ABLIM3: variants seen among roughly 807,000 people sequenced by gnomAD.
The protein encoded by ABLIM3 is actin-binding LIM protein 3.
A neutral mutation model predicts 109.5 loss-of-function variants in ABLIM3; 61 were observed. That is an observed-to-expected ratio of 0.56 (90% CI 0.45 to 0.69). ABLIM3 has a LOEUF of 0.69. Among genes scored for constraint, ABLIM3 ranks in the 30% least tolerant of loss-of-function variants. The pLI, the probability that ABLIM3 is intolerant of heterozygous loss-of-function variation, is 0.00. For missense variants in ABLIM3, 796 were observed against 889.5 expected, an observed-to-expected ratio of 0.89 and a Z score of 1.34; for synonymous variants, 300 against 324.8, an observed-to-expected ratio of 0.92 and a Z score of 0.82.
chr5:149,247,469 A>G (rs1330984522), intron 17 of ABLIM3, among the ~76,000 whole-genome samples: 1 of 152,234 alleles, frequency 6.6e-6, no homozygotes. Flanking sequence ...CACCTCAGTT[A>G]AAAAGAAAAA....
intron 7 of ABLIM3, among the ~76,000 whole-genome samples, chr5:149,211,225 G>A (rs1473095606): frequency 6.6e-6 from 1 of 151,922 alleles, no homozygotes; most frequent in Non-Finnish European, 1.5e-5. Flanking sequence ...GCTGATTTAA[G>A]AGCCAGCTTG....
chr5:149,200,598 T>C, intron 5 of ABLIM3, 170 bp downstream of exon 5: 1 of 644,936 alleles, frequency 1.6e-6, no homozygotes, highest in Non-Finnish European at 2.7e-6. Context: ...ACTCACAAGC[T>C]TCACAAGCAC....
chr5:149,225,407 A>AAT (rs1175272964), intron 8 of ABLIM3, among the ~76,000 whole-genome samples: 3 of 152,170 alleles, frequency 2.0e-5, no homozygotes, highest in African/African-American at 4.8e-5. Flanking sequence ...GGAACCATAC[A>AAT]ATATATGTTC....
intron 15 of ABLIM3, among the ~76,000 whole-genome samples, chr5:149,243,014 T>A (rs559728350): frequency 6.6e-6 from 1 of 152,334 alleles, no homozygotes; most frequent in South Asian, 2.1e-4. Context: ...CTGTAAGTTG[T>A]TCTCAGTCAC....
In ABLIM3 at chr5:149,259,518, C is replaced by A. The variant is rs550409813; in HGVS notation, c.*1114C>A. 25 of 1,536,252 alleles carry A rather than the reference C, an allele frequency of 1.6e-5. 1 individual carries two copies. The East Asian group carries it at 5.6e-4, about 35-fold the overall frequency. Reference sequence around the variant, plus strand: ...CCATACCCCCGCCAGTCCTCGGCTCCTGCTGCAAAGTTGGCCATGTTTCAC... The same window carrying A: ...CCATACCCCCGCCAGTCCTCGGCTCATGCTGCAAAGTTGGCCATGTTTCAC... On this transcript the variant is annotated 3_prime_UTR_variant, in exon 24 of 24. Transcript: ENST00000309868.
At chr5:149,196,115 A>G (rs1757951930) in intron 3 of ABLIM3, among the ~76,000 whole-genome samples, 1 of 152,176 alleles carries the variant, frequency 6.6e-6, no homozygotes, top group African/African-American at 2.4e-5. Flanking sequence ...TCTGACTATC[A>G]GACCACTGTG....
At chr5:149,203,112 C>T (rs1758635730) in intron 5 of ABLIM3, among the ~76,000 whole-genome samples, 2 of 151,980 alleles carry the variant, frequency 1.3e-5, no homozygotes, top group Admixed American at 1.3e-4. Context: ...CCACTACCCT[C>T]ACCATCATCA....
chr5:149,182,158 C>A (rs1205126408), intron 2 of ABLIM3, among the ~76,000 whole-genome samples: 1 of 152,178 alleles, frequency 6.6e-6, no homozygotes, highest in Non-Finnish European at 1.5e-5. Flanking sequence ...AGTAGGTGAC[C>A]TTTAAATTCC....
intron 10 of ABLIM3, among the ~76,000 whole-genome samples, chr5:149,234,877 C>T (rs1051073589): frequency 6.6e-6 from 1 of 152,182 alleles, no homozygotes; most frequent in Admixed American, 6.5e-5. Context: ...TCATCACAAG[C>T]TGGTCTCCCG....
intron 2 of ABLIM3, among the ~76,000 whole-genome samples, chr5:149,178,173 T>C (rs1756133479): frequency 1.3e-5 from 2 of 152,126 alleles, no homozygotes; most frequent in South Asian, 4.1e-4. Flanking sequence ...TACCAGATCC[T>C]CTCATGTACA....
chr5:149,237,181 G>A (rs1005032230), intron 10 of ABLIM3, among the ~76,000 whole-genome samples: 3 of 152,170 alleles, frequency 2.0e-5, no homozygotes, highest in African/African-American at 7.2e-5. Flanking sequence ...CTTCACAGAG[G>A]CATTACAACA....
At chr5:149,152,358 A>C (rs763945858) in intron 2 of ABLIM3, among the ~76,000 whole-genome samples, 3 of 152,178 alleles carry the variant, frequency 2.0e-5, no homozygotes, top group Non-Finnish European at 2.9e-5. Flanking sequence ...CACATCTGTT[A>C]ATGATTATGG....
At chr5:149,179,752 A>T (rs957365233) in intron 2 of ABLIM3, among the ~76,000 whole-genome samples, 2 of 152,092 alleles carry the variant, frequency 1.3e-5, no homozygotes, top group Admixed American at 6.5e-5. Context: ...CACTAATCAC[A>T]TGTGACTATT....
At position 149,190,663 on chromosome 5, in the gene ABLIM3, G is replaced by C. The variant is rs747948302; in HGVS notation, c.151+7074G>C. Among the ~76,000 whole-genome samples, 14 of 152,308 alleles carry C rather than the reference G, an allele frequency of 9.2e-5. No homozygotes were observed. In the South Asian group the frequency reaches 1.5e-3, roughly 16 times the overall value. ...CCACTGCACTCCAGGCTGGTGGACA[G>C]AGTGAGTCCCTGTCTCAAAACAAAA... is the stretch of plus-strand genomic sequence containing the variant. On this transcript the variant is annotated intron_variant, in intron 3 of 23. Transcript: ENST00000309868.
At position 149,258,687 on chromosome 5, in the gene ABLIM3, G is replaced by A. The variant is rs1754665716; in HGVS notation, c.*283G>A. ...TCTGTCCTAACTTGAGTGCCCCAAG[G>A]TCCAACTCTCTTTCCTAAAGAAGGT... On this transcript the variant is annotated 3_prime_UTR_variant, in exon 24 of 24. Coordinates refer to ENST00000309868, the MANE Select transcript of ABLIM3 (RefSeq NM_014945.5). The A allele has an allele frequency of 1.9e-6, 2 of 1,068,526 alleles. No homozygotes were observed. Among genetic ancestry groups the A allele is most frequent in the African/African-American group, 1.7e-5 (1 of 59,844 alleles). 66.2% of individuals were successfully genotyped at this position (1,068,526 alleles called of 1,614,324 possible).
chr5:149,250,369 A>G, intron 19 of ABLIM3, 78 bp from the exon 20 acceptor site: 4 of 1,475,280 alleles, frequency 2.7e-6, no homozygotes, highest in Non-Finnish European at 3.8e-6. Context: ...AGTGTTGGCC[A>G]TTGGTAGCCA....
chr5:149,213,564 G>C (rs1240601719), intron 7 of ABLIM3, among the ~76,000 whole-genome samples: 1 of 152,142 alleles, frequency 6.6e-6, no homozygotes, highest in African/African-American at 2.4e-5. Context: ...GGGTCAATGC[G>C]GTGGGAGATA....
chr5:149,259,469 C>T lies in ABLIM3; in HGVS notation c.*1065C>T. On this transcript the variant is annotated 3_prime_UTR_variant, in exon 24 of 24. Coordinates refer to ENST00000309868, the MANE Select transcript of ABLIM3 (RefSeq NM_014945.5). ...AAGGTTCTTGGTCTATGCCTCTGGT[C>T]TGTGGGCTGGCAGGGCAACCATACC... 6.5e-7 allele frequency: 1 copy of T among 1,535,796 alleles called. No individual in the cohort carries two copies.
chr5:149,167,051 A>G (rs1581026914), intron 2 of ABLIM3, among the ~76,000 whole-genome samples: 1 of 152,188 alleles, frequency 6.6e-6, no homozygotes, highest in East Asian at 1.9e-4. Context: ...ATTTACAAGC[A>G]ACTTGCTCTG....
Sources: allele counts gnomAD v4.1 joint callset (sites outside exome capture counted in the v4.1 genomes callset), GRCh38; gene constraint gnomAD v4.1.1; transcripts MANE v1.5; gene names NCBI Gene and HGNC (gene_info 2026-07-23, HGNC 2026-07-21).